Variants in ACCSL observed in about 807,000 individuals in gnomAD.
ACCSL encodes the protein 1-aminocyclopropane-1-carboxylate synthase homolog (inactive) like, also known as probable inactive 1-aminocyclopropane-1-carboxylate synthase-like protein 2.
In ACCSL, 55 loss-of-function variants were observed where a neutral mutation model predicts 61.7. The observed-to-expected ratio is 0.89, with a 90% confidence interval of 0.72 to 1.12. The LOEUF (loss-of-function observed/expected upper bound fraction) is 1.12. ACCSL is among the 50% of genes most tolerant of loss of function. The probability of loss-of-function intolerance (pLI) is 0.00; values close to 1 mark genes in which losing one functional copy is unlikely to be tolerated. For missense variants in ACCSL, 632 were observed against 698.0 expected (o/e 0.91, Z 1.07); for synonymous variants, 258 against 264.3 (o/e 0.98, Z 0.23).
the ACCSL span, among the ~76,000 whole-genome samples, chr11:44,016,133 T>G: frequency 1.3e-5 from 2 of 152,184 alleles, no homozygotes; most frequent in African/African-American, 4.8e-5. Flanking sequence ...GCTTTCTTTT[T>G]TGTGCCTTGA....
the ACCSL span, among the ~76,000 whole-genome samples, chr11:43,937,898 G>A: frequency 2.0e-5 from 3 of 152,188 alleles, no homozygotes; most frequent in East Asian, 5.8e-4. Context: ...GTCATTTAGG[G>A]ACTCGGACTA....
chr11:43,951,702 G>A, the ACCSL span, among the ~76,000 whole-genome samples: 1 of 152,330 alleles, frequency 6.6e-6, no homozygotes, highest in East Asian at 1.9e-4. Flanking sequence ...AACAGGGGTT[G>A]TTATTAAATT....
chr11:43,943,936 C>T, the ACCSL span: 1 of 1,077,762 alleles, frequency 9.3e-7, no homozygotes, highest in East Asian at 6.2e-5. This position sits in a 1 kb window ranked among gnomAD's most constrained non-coding sequence, Gnocchi z 4.8. Flanking sequence ...TCCCAAGACT[C>T]GGGGAGGTGG....
the ACCSL span, chr11:44,001,235 A>G: frequency 1.3e-5 from 2 of 152,048 alleles, no homozygotes; most frequent in Non-Finnish European, 2.9e-5. Flanking sequence ...AACAATTTTT[A>G]CCAGCGGAAA....
At chr11:43,935,013 C>T in the ACCSL span, among the ~76,000 whole-genome samples, 5 of 152,292 alleles carry the variant, frequency 3.3e-5, no homozygotes, top group South Asian at 8.3e-4. Context: ...ATCTGCTTCC[C>T]CAGGACACCC....
the ACCSL span, among the ~76,000 whole-genome samples, chr11:43,981,777 G>T: frequency 2.0e-5 from 3 of 152,206 alleles, no homozygotes; most frequent in Non-Finnish European, 4.4e-5. Context: ...GTGTGGCCGT[G>T]GTGCCCATGC....
chr11:44,008,587 G>A, the ACCSL span, among the ~76,000 whole-genome samples: 2 of 152,240 alleles, frequency 1.3e-5, no homozygotes, highest in Non-Finnish European at 1.5e-5. Flanking sequence ...GCTTGGGACC[G>A]GCTGTATGAC....
At chr11:44,025,991 T>C in the ACCSL span, among the ~76,000 whole-genome samples, 1 of 152,234 alleles carries the variant, frequency 6.6e-6, no homozygotes, top group South Asian at 2.1e-4. Context: ...TTTTAACCAT[T>C]TGACTAGGGT....
the ACCSL span, among the ~76,000 whole-genome samples, chr11:43,946,162 C>T: frequency 6.6e-6 from 1 of 152,204 alleles, no homozygotes; most frequent in Non-Finnish European, 1.5e-5. Flanking sequence ...TCTCAGTTCA[C>T]TGCAACCTCT....
the ACCSL span, among the ~76,000 whole-genome samples, chr11:44,004,914 A>AACTT: frequency 3.3e-5 from 5 of 152,250 alleles, no homozygotes; most frequent in African/African-American, 1.2e-4. Context: ...GAGGGGATGC[A>AACTT]ACTTCCTAGC....
chr11:44,058,471 G>A lies in ACCSL; in HGVS notation c.1470+12G>A. On this transcript the variant is annotated intron_variant, in intron 12 of 13. Transcript: ENST00000378832. The stretch of plus-strand genomic sequence containing the variant: ...TCAACTTGAAAAAGGTGTGTTCTGG[G>A]AATGAGGACAGGTGTTCTTGGGCAG... The A allele has an allele frequency of 6.2e-7, 1 of 1,614,180 alleles. No homozygotes were observed. Among genetic ancestry groups the A allele is most frequent in the Non-Finnish European group, 8.5e-7 (1 of 1,180,036 alleles).
chr11:44,026,881 T>A, the ACCSL span, among the ~76,000 whole-genome samples: 1 of 152,054 alleles, frequency 6.6e-6, no homozygotes, highest in African/African-American at 2.4e-5. Flanking sequence ...AGGCATGTGC[T>A]ACTACGCCTG....
the ACCSL span, among the ~76,000 whole-genome samples, chr11:43,977,310 C>T: frequency 1.2e-4 from 18 of 152,130 alleles, no homozygotes; most frequent in African/African-American, 4.1e-4. Context: ...AATCCAGTGA[C>T]CTTAAATTAA....
the ACCSL span, among the ~76,000 whole-genome samples, chr11:44,040,766 T>C: frequency 2.0e-5 from 3 of 151,676 alleles, no homozygotes; most frequent in Admixed American, 2.0e-4. Context: ...CTAGGGCTCC[T>C]GGGCCTCCAG....
the ACCSL span, among the ~76,000 whole-genome samples, chr11:44,025,343 G>C: frequency 6.6e-6 from 1 of 151,618 alleles, no homozygotes; most frequent in Non-Finnish European, 1.5e-5. Context: ...CTTTCTTAGT[G>C]GTTGCCCTGG....
the ACCSL span, among the ~76,000 whole-genome samples, chr11:43,961,750 T>C: frequency 6.6e-6 from 1 of 152,106 alleles, no homozygotes; most frequent in African/African-American, 2.4e-5. Flanking sequence ...CTCTCCTCTT[T>C]CTGATGCAGG....
the ACCSL span, among the ~76,000 whole-genome samples, chr11:44,040,009 T>G: frequency 6.6e-6 from 1 of 152,232 alleles, no homozygotes; most frequent in Admixed American, 6.5e-5. Flanking sequence ...AAGGAGAAAC[T>G]GAAAACCAGA....
the ACCSL span, among the ~76,000 whole-genome samples, chr11:44,002,372 C>T: frequency 3.0e-3 from 464 of 152,304 alleles, 6 homozygotes; most frequent in African/African-American, 0.011. Context: ...CCAGGAATGA[C>T]CCACTCTTTG....
chr11:44,051,144 G>C (rs945004618), intron 3 of ACCSL, among the ~76,000 whole-genome samples, 191 bp from the exon 4 acceptor site: 1 of 152,090 alleles, frequency 6.6e-6, no homozygotes, highest in African/African-American at 2.4e-5. Flanking sequence ...CCCGGCCAAG[G>C]CCTAAGTTCT....
Sources: gnomAD v4.1 joint callset for allele counts (sites outside exome capture counted in the v4.1 genomes callset) on GRCh38, gnomAD v4.1.1 for gene constraint, Gnocchi (gnomAD v3.1) non-coding constraint, MANE v1.5 for transcripts, NCBI Gene and HGNC (gene_info 2026-07-23, HGNC 2026-07-21) for gene names.